KRTAP10-4: variants seen among roughly 807,000 people sequenced by gnomAD.
The protein encoded by KRTAP10-4 is keratin associated protein 10-4, also known as keratin-associated protein 10-4.
For missense variants in KRTAP10-4, 374 were observed against 507.6 expected, an observed-to-expected ratio of 0.74 and a Z score of 2.53; for synonymous variants, 147 against 213.7, an observed-to-expected ratio of 0.69 and a Z score of 2.72.
Position 44,575,050 on chromosome 21 carries a change from C to T in KRTAP10-4, c.*86C>T. On this transcript the variant is annotated 3_prime_UTR_variant, in exon 1 of 1. Coordinates refer to ENST00000400374, the MANE Select transcript of KRTAP10-4 (RefSeq NM_198687.2). Reference sequence around the variant, plus strand: ...TGATGGACACGCCCCCCAGTGCCAGCCAGGCTCAGGTCCCACCTGAAAGCT... The same window carrying T: ...TGATGGACACGCCCCCCAGTGCCAGTCAGGCTCAGGTCCCACCTGAAAGCT... 2.6e-6 allele frequency: 4 copies of T among 1,565,478 alleles called. No homozygotes were observed. The highest frequency in any genetic ancestry group is 3.5e-6 in the Non-Finnish European group (4 of 1,153,040).
chr21:44,573,781 T>A lies in KRTAP10-4; in HGVS notation c.23T>A (p.Leu8Gln), dbSNP rs782460117. MSVCSSD[L>Q]SYSSRVCLPG... ...ACCATGTCCGTCTGCTCCAGCGACC[T>A]GAGCTACAGCAGCCGCGTCTGCCTT... The change falls in exon 1 of 1, where the codon CTG (leucine) becomes CAG (glutamine). Residue 8 changes from leucine to glutamine, a missense_variant. Coordinates refer to ENST00000400374, the MANE Select transcript of KRTAP10-4 (RefSeq NM_198687.2). 12 of 1,613,772 alleles carry A rather than the reference T, an allele frequency of 7.4e-6. No homozygotes were observed. In the South Asian group the frequency reaches 1.2e-4, roughly 16 times the overall value.
At position 44,573,852 on chromosome 21, in the gene KRTAP10-4, T is replaced by A; in HGVS notation, c.94T>A (p.Cys32Ser). Reference sequence around the variant, plus strand: ...CTCCGACTCCTGGCAGGTGGACGACTGCCCAGAGAGCTGCTGCGAGCCCCC... The same window carrying A: ...CTCCGACTCCTGGCAGGTGGACGACAGCCCAGAGAGCTGCTGCGAGCCCCC... ...SCSDSWQVDDCPESCCEPPCC... is the reference protein window; with the variant it reads ...SCSDSWQVDDSPESCCEPPCC... Residue 32 changes from cysteine (C) to serine (S), a missense_variant, in exon 1 of 1, where the codon TGC becomes AGC. Cys to Ser is a moderately radical substitution (Grantham distance 112). Transcript: ENST00000400374. 1.2e-6 allele frequency: 2 copies of A among 1,614,132 alleles called. No individual in the cohort carries two copies.
chr21:44,574,959 C>T lies in KRTAP10-4; in HGVS notation c.1201C>T (p.Leu401Phe). ...CCGCCCAGCCTCCTGCGTGTCCCTC[C>T]TCTGACGCCCCGTGTGCTCCCGCCC... ...CCRPASCVSLL is the reference protein window; with the variant it reads ...CCRPASCVSLF Residue 401 changes from leucine (L) to phenylalanine (F), a missense_variant, in exon 1 of 1, where the codon CTC becomes TTC. Transcript: ENST00000400374. 1.2e-6 allele frequency: 2 copies of T among 1,606,870 alleles called. No homozygotes were observed. The highest frequency in any genetic ancestry group is 1.7e-6 in the Non-Finnish European group (2 of 1,176,846).
chr21:44,575,314 CCTT>C lies in KRTAP10-4; in HGVS notation c.*354_*356del. The C allele has an allele frequency of 2.3e-6, 1 of 428,714 alleles. No homozygotes were observed. The highest frequency in any genetic ancestry group is 4.5e-5 in the East Asian group (1 of 22,100). The allele number at this position is 428,714 out of a possible 1,614,324, so 26.6% of individuals were successfully genotyped here. On this transcript the variant is annotated 3_prime_UTR_variant, in exon 1 of 1. Coordinates refer to ENST00000400374, the MANE Select transcript of KRTAP10-4 (RefSeq NM_198687.2). ...GTCCTCCTGGCTCAGAGCCGCAGAG[CCTT>C]CTTTGGACGCCCTCAAGCTGACCAA...
chr21:44,574,267 C>T lies in KRTAP10-4; in HGVS notation c.509C>T (p.Ser170Phe), dbSNP rs782117807. The T allele has an allele frequency of 1.3e-6, 2 of 1,597,672 alleles. No individual in the cohort carries two copies. Among genetic ancestry groups the T allele is most frequent in the Non-Finnish European group, 1.7e-6 (2 of 1,174,666 alleles). Residue 170 changes from serine to phenylalanine, a missense_variant, in exon 1 of 1, where the codon TCT becomes TTT. Transcript: ENST00000400374. ...AAGCCTGTCTGCTCTGGGATTTCCTCTTCGTGCTGCCAGCAGTCTAGCTGT... is the reference window on the plus strand; with the variant it reads ...AAGCCTGTCTGCTCTGGGATTTCCTTTTCGTGCTGCCAGCAGTCTAGCTGT... Reference protein sequence around the residue: ...CCKPVCSGISSSCCQQSSCVS... With the variant: ...CCKPVCSGISFSCCQQSSCVS...
chr21:44,575,160 T>A lies in KRTAP10-4; in HGVS notation c.*196T>A. On this transcript the variant is annotated 3_prime_UTR_variant, in exon 1 of 1. Transcript: ENST00000400374. Reference sequence around the variant, plus strand: ...CTGGACAATGGAAGAACTGAAAGTCTATACTCAATGCTGCAGCCCTCTTGC... The same window carrying A: ...CTGGACAATGGAAGAACTGAAAGTCAATACTCAATGCTGCAGCCCTCTTGC... The A allele has an allele frequency of 1.1e-6, 1 of 878,416 alleles. No homozygotes were observed. The highest frequency in any genetic ancestry group is 1.7e-6 in the Non-Finnish European group (1 of 576,946). The allele number at this position is 878,416 out of a possible 1,614,324, so 54.4% of individuals were successfully genotyped here.
chr21:44,575,076 G>T lies in KRTAP10-4; in HGVS notation c.*112G>T. ...CAGGCTCAGGTCCCACCTGAAAGCT[G>T]ATAGTCGCGTCCTGAATTGCTCCTG... On this transcript the variant is annotated 3_prime_UTR_variant, in exon 1 of 1. Transcript: ENST00000400374. The T allele has an allele frequency of 2.0e-6, 3 of 1,479,776 alleles. No homozygotes were observed. In the Admixed American group the frequency reaches 6.2e-5, roughly 31 times the overall value. 91.7% of individuals were successfully genotyped at this position (1,479,776 alleles called of 1,614,324 possible).
Position 44,574,054 on chromosome 21 carries a change from G to T in KRTAP10-4, c.296G>T (p.Cys99Phe). Residue 99 changes from cysteine (C) to phenylalanine (F), a missense_variant, in exon 1 of 1, where the codon TGC (cysteine) becomes TTC (phenylalanine). Coordinates refer to ENST00000400374, the MANE Select transcript of KRTAP10-4 (RefSeq NM_198687.2). ...CAGCAGTCTAGCTGCCAGCTGGCTTGCTGTGCCTCCTCCCCCTGCCAGCAG... is the reference window on the plus strand; with the variant it reads ...CAGCAGTCTAGCTGCCAGCTGGCTTTCTGTGCCTCCTCCCCCTGCCAGCAG... ...CCQQSSCQLA[C>F]CASSPCQQAC... The T allele has an allele frequency of 6.2e-7, 1 of 1,613,072 alleles. No homozygotes were observed. Among genetic ancestry groups the T allele is most frequent in the Non-Finnish European group, 8.5e-7 (1 of 1,179,782 alleles).
Position 44,574,529 on chromosome 21 carries a change from G to T in KRTAP10-4, c.771G>T (p.Gln257His), listed in dbSNP as rs1555923439. 3.1e-6 allele frequency: 5 copies of T among 1,609,758 alleles called. No homozygotes were observed. Among genetic ancestry groups the T allele is most frequent in the East Asian group, 2.2e-5 (1 of 44,726 alleles). Residue 257 changes from glutamine (Q) to histidine (H), a missense_variant, in exon 1 of 1, where the codon CAG (glutamine) becomes CAT (histidine). Physicochemically the swap from Gln to His is conservative, Grantham distance 24. Coordinates refer to ENST00000400374, the MANE Select transcript of KRTAP10-4 (RefSeq NM_198687.2). Reference sequence around the variant, plus strand: ...CATGCTGCCAGCAGTCTAGCTGCCAGCCGGCTTGCTGCACCTCCTCTCCCT... The same window carrying T: ...CATGCTGCCAGCAGTCTAGCTGCCATCCGGCTTGCTGCACCTCCTCTCCCT... ...SSSCCQQSSC[Q>H]PACCTSSPCQ... is the part of the protein sequence containing the mutation.
At position 44,574,863 on chromosome 21, in the gene KRTAP10-4, T is replaced by A; in HGVS notation, c.1105T>A (p.Cys369Ser). 5 of 1,612,936 alleles carry A rather than the reference T, an allele frequency of 3.1e-6. No homozygotes were observed. The highest frequency in any genetic ancestry group is 3.4e-6 in the Non-Finnish European group (4 of 1,179,880). ...CGTGTCCCTCCTCTGCCGCCCCGTG[T>A]GCAGGCCCGCCTGCTGCGTGCCCGT... ...SSVSLLCRPV[C>S]RPACCVPVPS... Residue 369 changes from cysteine to serine, a missense_variant, in exon 1 of 1, where the codon TGC becomes AGC. Physicochemically the swap from Cys to Ser is moderately radical, Grantham distance 112 (BLOSUM62 -1). Coordinates refer to ENST00000400374, the MANE Select transcript of KRTAP10-4 (RefSeq NM_198687.2).
chr21:44,575,065 A>C lies in KRTAP10-4; in HGVS notation c.*101A>C. ...CCAGTGCCAGCCAGGCTCAGGTCCC[A>C]CCTGAAAGCTGATAGTCGCGTCCTG... On this transcript the variant is annotated 3_prime_UTR_variant, in exon 1 of 1. Coordinates refer to ENST00000400374, the MANE Select transcript of KRTAP10-4 (RefSeq NM_198687.2). The C allele has an allele frequency of 6.6e-7, 1 of 1,526,534 alleles. No homozygotes were observed. The highest frequency in any genetic ancestry group is 8.9e-7 in the Non-Finnish European group (1 of 1,128,964). The allele number at this position is 1,526,534 out of a possible 1,614,324, so 94.6% of individuals were successfully genotyped here. A position where few individuals can be genotyped will look rare whatever the true frequency, so the allele number is the denominator to read the frequency against.
rs782579631 is a variant in KRTAP10-4 at position 44,574,992 on chromosome 21, T to C, written c.*28T>C. On this transcript the variant is annotated 3_prime_UTR_variant, in exon 1 of 1. Transcript: ENST00000400374. ...CCCCGTGTGCTCCCGCCCAGCCTGC[T>C]GAGGCCTCCGCTCAGGTCAGAAGCC... is the stretch of plus-strand genomic sequence containing the variant. The C allele has an allele frequency of 2.4e-5, 38 of 1,609,856 alleles. No individual in the cohort carries two copies. Among genetic ancestry groups the C allele is most frequent in the Non-Finnish European group, 3.2e-5 (38 of 1,177,902 alleles).
chr21:44,575,017 C>T lies in KRTAP10-4; in HGVS notation c.*53C>T. 6.3e-7 allele frequency: 1 copy of T among 1,595,870 alleles called. No homozygotes were observed. The highest frequency in any genetic ancestry group is 8.5e-7 in the Non-Finnish European group (1 of 1,170,374). ...TGAGGCCTCCGCTCAGGTCAGAAGC[C>T]CAGCTGCTGATGGACACGCCCCCCA... On this transcript the variant is annotated 3_prime_UTR_variant, in exon 1 of 1. Coordinates refer to ENST00000400374, the MANE Select transcript of KRTAP10-4 (RefSeq NM_198687.2).
Position 44,574,792 on chromosome 21 carries a change from G to T in KRTAP10-4, c.1034G>T (p.Cys345Phe). ...ASSSCCQQSS[C>F]QPACCTTSCC... ...TCTTCATGCTGCCAGCAATCTAGCT[G>T]CCAGCCAGCTTGCTGCACCACCTCC... is the stretch of plus-strand genomic sequence containing the variant. The change falls in exon 1 of 1, where the codon TGC (cysteine) becomes TTC (phenylalanine). Residue 345 changes from cysteine (C) to phenylalanine (F), a missense_variant. Physicochemically the swap from Cys to Phe is radical, Grantham distance 205. Coordinates refer to ENST00000400374, the MANE Select transcript of KRTAP10-4 (RefSeq NM_198687.2). 1 of 1,614,100 alleles carries T rather than the reference G, an allele frequency of 6.2e-7. No individual in the cohort carries two copies. Among genetic ancestry groups the T allele is most frequent in the Non-Finnish European group, 8.5e-7 (1 of 1,180,018 alleles).
Position 44,574,112 on chromosome 21 carries a change from C to G in KRTAP10-4, c.354C>G (p.Val118=), listed in dbSNP as rs781789565. The change falls in exon 1 of 1, where the codon GTC becomes GTG. Residue 118 remains valine, a synonymous_variant. Transcript: ENST00000400374. Reference sequence around the variant, plus strand: ...GCGTGCCCGTCTGCTGCAAGACTGTCTGCTGCAAGCCTGTGTGCTGTGTGC... The same window carrying G: ...GCGTGCCCGTCTGCTGCAAGACTGTGTGCTGCAAGCCTGTGTGCTGTGTGC... ...ACCVPVCCKT[V]CCKPVCCVPV... is the part of the protein sequence containing the mutation. The G allele has an allele frequency of 1.6e-5, 25 of 1,596,506 alleles. No individual in the cohort carries two copies. The highest frequency in any genetic ancestry group is 9.1e-5 in the East Asian group (4 of 43,840).
At position 44,575,116 on chromosome 21, in the gene KRTAP10-4, C is replaced by A; in HGVS notation, c.*152C>A. ...AATTGCTCCTGCACTTTGACCATTT[C>A]CTGGTGTCTGCTGTTGAGCTGGACA... On this transcript the variant is annotated 3_prime_UTR_variant, in exon 1 of 1. Coordinates refer to ENST00000400374, the MANE Select transcript of KRTAP10-4 (RefSeq NM_198687.2). 1 of 1,123,892 alleles carries A rather than the reference C, an allele frequency of 8.9e-7. No individual in the cohort carries two copies. Among genetic ancestry groups the A allele is most frequent in the Non-Finnish European group, 1.3e-6 (1 of 791,516 alleles). The allele number at this position is 1,123,892 out of a possible 1,614,324, so 69.6% of individuals were successfully genotyped here.
In KRTAP10-4 at chr21:44,573,796, G is replaced by A. The variant is rs201059120; in HGVS notation, c.38G>A (p.Arg13His). The change falls in exon 1 of 1, where the codon CGC becomes CAC. Residue 13 changes from arginine to histidine, a missense_variant. Coordinates refer to ENST00000400374, the MANE Select transcript of KRTAP10-4 (RefSeq NM_198687.2). ...VCSSDLSYSS[R>H]VCLPGSCDSC... ...TCCAGCGACCTGAGCTACAGCAGCC[G>A]CGTCTGCCTTCCTGGTTCCTGTGAC... 619 of 1,613,848 alleles carry A rather than the reference G, an allele frequency of 3.8e-4. No homozygotes were observed. The highest frequency in any genetic ancestry group is 4.7e-4 in the Non-Finnish European group (560 of 1,179,774).
At position 44,575,366 on chromosome 21, in the gene KRTAP10-4, C is replaced by T. The variant is rs940899186; in HGVS notation, c.*402C>T. 1.7e-5 allele frequency: 5 copies of T among 289,220 alleles called. No individual in the cohort carries two copies. Among genetic ancestry groups the T allele is most frequent in the African/African-American group, 6.5e-5 (3 of 46,294 alleles). The allele number at this position is 289,220 out of a possible 1,614,324, so 17.9% of individuals were successfully genotyped here. ...AATAAAGGCCCTGAGACTGCAATGG[C>T]GCTGACACCCAGGTGTGTTGATTAA... On this transcript the variant is annotated 3_prime_UTR_variant, in exon 1 of 1. Coordinates refer to ENST00000400374, the MANE Select transcript of KRTAP10-4 (RefSeq NM_198687.2).
rs782334466 is a variant in KRTAP10-4, at chr21:44,574,696, G to A, written c.938G>A (p.Ser313Asn). ...CQPACCTSSQ[S>N]QQGCCVPVCC... ...CCAGCTTGCTGCACCTCCTCCCAAA[G>A]CCAGCAGGGCTGCTGCGTGCCCGTC... Residue 313 changes from serine (S) to asparagine (N), a missense_variant, in exon 1 of 1, where the codon AGC (serine) becomes AAC (asparagine). Transcript: ENST00000400374. 1.9e-5 allele frequency: 31 copies of A among 1,606,632 alleles called. No individual in the cohort carries two copies. Among genetic ancestry groups the A allele is most frequent in the Non-Finnish European group, 2.6e-5 (31 of 1,175,892 alleles).
Sources: gnomAD v4.1 joint callset for allele counts on GRCh38, gnomAD v4.1.1 for gene constraint, MANE v1.5 for transcripts, NCBI Gene and HGNC (gene_info 2026-07-23, HGNC 2026-07-21) for gene names.